TUBGCP5: variants seen among roughly 807,000 people sequenced by gnomAD.
TUBGCP5 encodes the protein tubulin gamma complex component 5, also known as gamma-tubulin complex component 5.
In TUBGCP5, 98 loss-of-function variants were observed where a neutral mutation model predicts 134.7. The observed-to-expected ratio is 0.73, with a 90% CI of 0.62 to 0.86. TUBGCP5 has a LOEUF of 0.86. Among genes scored for constraint, TUBGCP5 ranks in the 40% least tolerant of loss-of-function variants. TUBGCP5 has a pLI of 0.00. For synonymous variants in TUBGCP5, 456 were observed against 431.4 expected (o/e 1.06, Z -0.71); for missense variants, 1,150 against 1,244.8 (o/e 0.92, Z 1.15).
At chr15:23,005,892 C>T (rs938666997) in intron 18 of TUBGCP5, 160 bp downstream of exon 18, 30 of 761,258 alleles carry the variant, frequency 3.9e-5, no homozygotes, top group Middle Eastern at 3.8e-4. Flanking sequence ...TGCTAGAATA[C>T]GCACCATTTT....
At chr15:23,009,920 T>C in intron 15 of TUBGCP5, 25 bp downstream of exon 15, 1 of 1,598,448 alleles carries the variant, frequency 6.3e-7, no homozygotes, top group Non-Finnish European at 8.5e-7. Context: ...TATTTACTAC[T>C]TCCAAAATTA....
chr15:23,005,740 G>A (rs1034417678), intron 18 of TUBGCP5, 130 bp from the exon 19 acceptor site: 1 of 979,066 alleles, frequency 1.0e-6, no homozygotes, highest in Non-Finnish European at 1.5e-6. Flanking sequence ...GGGGTGGCAG[G>A]AACCGAACCT....
intron 15 of TUBGCP5, 53 bp from the exon 16 acceptor site, chr15:23,008,934 G>T: frequency 1.4e-6 from 2 of 1,439,878 alleles, no homozygotes; most frequent in South Asian, 3.0e-5. Flanking sequence ...CGTAAGGCAG[G>T]ATTCTGGATC....
chr15:22,990,152 CA>C (rs375452436), intron 23 of TUBGCP5, among the ~76,000 whole-genome samples: 114 of 152,288 alleles, frequency 7.5e-4, no homozygotes, highest in African/African-American at 2.6e-3. Context: ...CTTCTAGGGA[CA>C]TCCCGAGAGG....
At position 23,027,275 on chromosome 15, in the gene TUBGCP5, A is replaced by G; in HGVS notation, c.654T>C (p.His218=). The change falls in exon 7 of 23, where the codon CAT becomes CAC. Residue 218 remains histidine (H), a synonymous_variant. Coordinates refer to ENST00000615383, the MANE Select transcript of TUBGCP5 (RefSeq NM_052903.6). ...CTGTCCAGTACTGATGGACCACATG[A>G]TGTTCCAGCCAGCTTCGGTCATCTG... ...DEPDDRSWLE[H]HVVHQYWTAR... is the part of the protein sequence containing the mutation. The G allele has an allele frequency of 6.2e-7, 1 of 1,613,932 alleles. No individual in the cohort carries two copies. The highest frequency in any genetic ancestry group is 8.5e-7 in the Non-Finnish European group (1 of 1,179,962).
At chr15:23,023,821 AAAG>A (rs1198691952) in intron 10 of TUBGCP5, 123 bp downstream of exon 10, 8 of 842,532 alleles carry the variant, frequency 9.5e-6, no homozygotes, top group Non-Finnish European at 1.4e-5. Flanking sequence ...AATAATTTTA[AAAG>A]AAGCATTCAC....
chr15:22,996,729 C>CG (rs1436424320), downstream of TUBGCP5: 1 of 152,144 alleles, frequency 6.6e-6, no homozygotes, highest in Non-Finnish European at 1.5e-5. Context: ...CTCAAGTGAT[C>CG]GGTCTGCCTA....
At chr15:23,016,969 G>GATATGTATGTATAT (rs1555439436) in intron 13 of TUBGCP5, among the ~76,000 whole-genome samples, 2 of 109,396 alleles carry the variant, frequency 1.8e-5, no homozygotes, top group African/African-American at 7.2e-5. Flanking sequence ...AAAATTGTGA[G>GATATGTATGTATAT]ATATATATAT....
At chr15:22,993,261 G>A (rs548172508) in intron 23 of TUBGCP5, among the ~76,000 whole-genome samples, 12 of 151,480 alleles carry the variant, frequency 7.9e-5, no homozygotes, top group Admixed American at 2.6e-4. Context: ...CACCATGCCC[G>A]GCTAACTTTT....
chr15:23,017,985 T>C lies in TUBGCP5; in HGVS notation c.1544A>G (p.Tyr515Cys). The change falls in exon 13 of 23, where the codon TAT becomes TGT. Residue 515 changes from tyrosine (Y) to cysteine (C), a missense_variant. By Grantham distance (194) the Tyr-to-Cys change is radical (BLOSUM62 -2). Coordinates refer to ENST00000615383, the MANE Select transcript of TUBGCP5 (RefSeq NM_052903.6). Reference sequence around the variant, plus strand: ...ATTTTCTGTCTTTTCTGATACGCTATATAACGTGTAAGTTGCATACCAGAA... The same window carrying C: ...ATTTTCTGTCTTTTCTGATACGCTACATAACGTGTAAGTTGCATACCAGAA... ...RDFWYATYTLYSVSEKTENEE... is the reference protein window; with the variant it reads ...RDFWYATYTLCSVSEKTENEE... The C allele has an allele frequency of 6.2e-7, 1 of 1,614,160 alleles. No homozygotes were observed. Among genetic ancestry groups the C allele is most frequent in the Non-Finnish European group, 8.5e-7 (1 of 1,179,992 alleles).
At chr15:23,001,165 C>A (rs995754388) in intron 21 of TUBGCP5, among the ~76,000 whole-genome samples, 21 of 152,178 alleles carry the variant, frequency 1.4e-4, no homozygotes, top group African/African-American at 4.8e-4. Flanking sequence ...GCCTCAGCCT[C>A]CTGAGTAGCT....
At chr15:23,032,476 G>C (rs1188635539) in intron 4 of TUBGCP5, among the ~76,000 whole-genome samples, 1 of 152,076 alleles carries the variant, frequency 6.6e-6, no homozygotes, top group African/African-American at 2.4e-5. Context: ...ATTTTAGACT[G>C]TTGTATTATT....
In TUBGCP5 at chr15:22,985,920, T is replaced by G. The variant is rs192591974; in HGVS notation, c.*62-2309A>C. ...AGGCCGAGATGGGCGGATCACAAGG[T>G]CAGGAGATCGAGACCATCCTGGCTA... is the stretch of plus-strand genomic sequence containing the variant. On this transcript the variant is annotated intron_variant and NMD_transcript_variant, in intron 23 of 23. Coordinates refer to the TUBGCP5 transcript ENST00000614508. Among the ~76,000 whole-genome samples, 203 of 151,586 alleles carry G rather than the reference T, an allele frequency of 1.3e-3. 1 individual carries two copies. Among genetic ancestry groups the G allele is most frequent in the African/African-American group, 4.7e-3 (196 of 41,346 alleles).
rs1030924037 is a variant in TUBGCP5 at position 22,999,831 on chromosome 15, C to G, written c.3064G>C (p.Glu1022Gln). Residue 1022 changes from glutamate to glutamine, a missense_variant, in exon 23 of 23, where the codon GAA (glutamate) becomes CAA (glutamine). By Grantham distance (29) the Glu-to-Gln change is conservative (BLOSUM62 2). This residue lies in a region of TUBGCP5 where 697 missense variants were observed against 850.1 expected (regional missense o/e 0.82). Transcript: ENST00000615383. ...SLALSLMAGMEQS is the reference protein window; with the variant it reads ...SLALSLMAGMQQS ...TACGCTGAAGACATTTAACTTTGTTCCATGCCAGCCATGAGTGACAACGCT... is the reference window on the plus strand; with the variant it reads ...TACGCTGAAGACATTTAACTTTGTTGCATGCCAGCCATGAGTGACAACGCT... 8 of 1,613,890 alleles carry G rather than the reference C, an allele frequency of 5.0e-6. No individual in the cohort carries two copies. Among genetic ancestry groups the G allele is most frequent in the Non-Finnish European group, 6.8e-6 (8 of 1,179,816 alleles).
intron 16 of TUBGCP5, among the ~76,000 whole-genome samples, chr15:23,007,984 C>A (rs1472195296): frequency 1.3e-5 from 2 of 152,236 alleles, no homozygotes; most frequent in East Asian, 3.9e-4. Flanking sequence ...TGAAAAACCT[C>A]ATGTGTGGGA....
At position 22,999,700 on chromosome 15, in the gene TUBGCP5, T is replaced by C; in HGVS notation, c.*120A>G. On this transcript the variant is annotated 3_prime_UTR_variant, in exon 23 of 23. Coordinates refer to ENST00000615383, the MANE Select transcript of TUBGCP5 (RefSeq NM_052903.6). ...AGAGGCATGAGCGACTGTGCCAGGC[T>C]GACTGTGGACAAGTTTTACAAATAA... 9.0e-7 allele frequency: 1 copy of C among 1,117,102 alleles called. No individual in the cohort carries two copies. Among genetic ancestry groups the C allele is most frequent in the Non-Finnish European group, 1.3e-6 (1 of 758,622 alleles). The allele number at this position is 1,117,102 out of a possible 1,614,324, so 69.2% of individuals were successfully genotyped here. A position where few individuals can be genotyped will look rare whatever the true frequency, so the allele number is the denominator to read the frequency against.
intron 6 of TUBGCP5, among the ~76,000 whole-genome samples, 158 bp downstream of exon 6, chr15:23,030,727 C>T (rs759658331): frequency 3.9e-5 from 6 of 151,910 alleles, no homozygotes; most frequent in Non-Finnish European, 8.8e-5. Flanking sequence ...ACTACTTAAG[C>T]ATCATAGAAA....
intron 3 of TUBGCP5, among the ~76,000 whole-genome samples, chr15:23,033,736 A>G (rs1169476474): frequency 1.3e-5 from 2 of 152,170 alleles, no homozygotes; most frequent in African/African-American, 4.8e-5. Context: ...CCTGTTTCCC[A>G]CACCTTTTAT....
intron 23 of TUBGCP5, among the ~76,000 whole-genome samples, chr15:22,986,727 G>A (rs1313109460): frequency 1.4e-5 from 2 of 146,976 alleles, no homozygotes; most frequent in Admixed American, 1.4e-4. Flanking sequence ...AACAGAATGA[G>A]ACTCTGTCTC....
Sources: allele counts gnomAD v4.1 joint callset (sites outside exome capture counted in the v4.1 genomes callset), GRCh38; gene constraint gnomAD v4.1.1; regional missense constraint gnomAD v4.1.1; transcripts MANE v1.5; gene names NCBI Gene and HGNC (gene_info 2026-07-23, HGNC 2026-07-21).